TBX4: variants seen among roughly 807,000 people sequenced by gnomAD.
The protein encoded by TBX4 is T-box transcription factor 4, also known as T-box transcription factor TBX4.
TBX4 carries 13 observed loss-of-function variants against 54.6 expected under a neutral mutation model. The ratio of observed to expected loss-of-function variants is 0.24; its 90% confidence interval spans 0.15 to 0.38. The LOEUF (loss-of-function observed/expected upper bound fraction) is 0.38, where lower values mean the gene tolerates loss of function less well. Ranked by LOEUF, TBX4 falls within the 10% of genes least tolerant of loss-of-function variation. The pLI, the probability that TBX4 is intolerant of heterozygous loss-of-function variation, is 1.00. For missense variants in TBX4, 631 were observed against 728.5 expected (o/e 0.87, Z 1.54); for synonymous variants, 314 against 306.7 (o/e 1.02, Z -0.25).
rs2060457111 is a variant in TBX4 at position 61,457,129 on chromosome 17, C to T, written c.187-408C>T. Among the ~76,000 whole-genome samples, 1 of 152,170 alleles carries T rather than the reference C, an allele frequency of 6.6e-6. No homozygotes were observed. The highest frequency in any genetic ancestry group is 1.5e-5 in the Non-Finnish European group (1 of 68,028). On this transcript the variant is annotated intron_variant, in intron 2 of 8. Transcript: ENST00000644296. The surrounding 1 kb of genome is among the most constrained non-coding windows in gnomAD (Gnocchi z 8.2). ...CACAGTGATAATCGGACGATCACAG[C>T]GCACGGGATGCCGCCTGGGGATCTG...
chr17:61,478,396 G>C lies in TBX4; in HGVS notation c.550-231G>C, dbSNP rs1037200144. 2.7e-5 allele frequency: 16 copies of C among 593,464 alleles called. No individual in the cohort carries two copies. The highest frequency in any genetic ancestry group is 1.5e-5 in the Non-Finnish European group (5 of 335,550). 36.8% of individuals were successfully genotyped at this position (593,464 alleles called of 1,614,324 possible). A position where few individuals can be genotyped will look rare whatever the true frequency, so the allele number is the denominator to read the frequency against. Reference sequence around the variant, plus strand: ...AACTGGTCACATCAAGGAGGGCCTGGAGCTGGGCATTAGTGCTGGTGCAGA... The same window carrying C: ...AACTGGTCACATCAAGGAGGGCCTGCAGCTGGGCATTAGTGCTGGTGCAGA... On this transcript the variant is annotated intron_variant, in intron 5 of 8. Coordinates refer to ENST00000644296, the MANE Select transcript of TBX4 (RefSeq NM_001321120.2). The surrounding 1 kb of genome is among the most constrained non-coding windows in gnomAD (Gnocchi z 7.4).
Position 61,482,953 on chromosome 17 carries a change from T to A in TBX4, c.1078T>A (p.Ser360Thr), listed in dbSNP as rs1448219437. The change falls in exon 9 of 9, where the codon TCT becomes ACT. Residue 360 changes from serine to threonine, a missense_variant. Coordinates refer to ENST00000644296, the MANE Select transcript of TBX4 (RefSeq NM_001321120.2). ...CAAGCGATCCTATCTGGAAGCCCCC[T>A]CTTCGGTGGGGGAGGATCACTATTT... ...PCKRSYLEAP[S>T]SVGEDHYFRS... 1 of 1,613,846 alleles carries A rather than the reference T, an allele frequency of 6.2e-7. No homozygotes were observed. Among genetic ancestry groups the A allele is most frequent in the Admixed American group, 1.7e-5 (1 of 59,982 alleles).
At position 61,462,032 on chromosome 17, in the gene TBX4, G is replaced by A. The variant is rs977592067; in HGVS notation, c.282-3787G>A. ...TGGCCGGGGAGCTCCCGCGGCTCTC[G>A]CAGCGCAGCTAGAACTTGCGTGTTC... On this transcript the variant is annotated intron_variant, in intron 3 of 8. Coordinates refer to ENST00000644296, the MANE Select transcript of TBX4 (RefSeq NM_001321120.2). This position sits in a 1 kb window ranked among gnomAD's most constrained non-coding sequence, Gnocchi z 4.5. 2.6e-5 allele frequency among the ~76,000 whole-genome samples: 4 copies of A among 152,122 alleles called. No individual in the cohort carries two copies. Among genetic ancestry groups the A allele is most frequent in the African/African-American group, 9.7e-5 (4 of 41,436 alleles).
Position 61,461,131 on chromosome 17 carries a change from A to G in TBX4, c.281+3500A>G, listed in dbSNP as rs2060491921. 1.3e-5 allele frequency among the ~76,000 whole-genome samples: 2 copies of G among 152,224 alleles called. No individual in the cohort carries two copies. The highest frequency in any genetic ancestry group is 2.9e-5 in the Non-Finnish European group (2 of 68,038). ...AAGTATTTTCTGAAAGCAAAAGTCT[A>G]TCAGAAGGAAGTGCCTTTAAAAAAA... On this transcript the variant is annotated intron_variant, in intron 3 of 8. Transcript: ENST00000644296. This position sits in a 1 kb window ranked among gnomAD's most constrained non-coding sequence, Gnocchi z 5.1.
intron 1 of TBX4, chr17:61,452,970 G>A (rs2060424799): frequency 1.0e-6 from 1 of 985,284 alleles, no homozygotes; most frequent in Non-Finnish European, 1.2e-6. Context: ...GTACTGGAGC[G>A]AAAATCCGTG....
Position 61,483,239 on chromosome 17 carries a change from G to A in TBX4, c.1364G>A (p.Arg455Gln), listed in dbSNP as rs373815870. 40 of 1,613,966 alleles carry A rather than the reference G, an allele frequency of 2.5e-5. No homozygotes were observed. Among genetic ancestry groups the A allele is most frequent in the African/African-American group, 4.0e-5 (3 of 74,912 alleles). ...TTCACCGCCACCACCATGATGCCGC[G>A]GCTGCCCACCCTCTCCGCTCAGAGC... ...THFTATTMMP[R>Q]LPTLSAQSSQ... The change falls in exon 9 of 9, where the codon CGG becomes CAG. Residue 455 changes from arginine (R) to glutamine (Q), a missense_variant. Coordinates refer to ENST00000644296, the MANE Select transcript of TBX4 (RefSeq NM_001321120.2). This position sits in a 1 kb window ranked among gnomAD's most constrained non-coding sequence, Gnocchi z 6.6.
In TBX4 at chr17:61,478,208, G is replaced by T. The variant is rs1026809568; in HGVS notation, c.550-419G>T. The T allele has an allele frequency of 4.6e-5, 13 of 281,874 alleles. No individual in the cohort carries two copies. Among genetic ancestry groups the T allele is most frequent in the Non-Finnish European group, 7.6e-5 (11 of 144,860 alleles). 17.5% of individuals were successfully genotyped at this position (281,874 alleles called of 1,614,324 possible). On this transcript the variant is annotated intron_variant, in intron 5 of 8. Coordinates refer to ENST00000644296, the MANE Select transcript of TBX4 (RefSeq NM_001321120.2). The surrounding 1 kb of genome is among the most constrained non-coding windows in gnomAD (Gnocchi z 7.4). ...CCCATTTACAAATGTGGAAACTGAG[G>T]CACAGAGAAGCCCAGTGACTTGTCT...
chr17:61,453,126 C>T (rs1021386385), intron 1 of TBX4: 6 of 443,564 alleles, frequency 1.4e-5, no homozygotes, highest in African/African-American at 6.4e-5. Flanking sequence ...AAGGGCTAAT[C>T]GGCATAACTG....
chr17:61,460,555 A>G lies in TBX4; in HGVS notation c.281+2924A>G, dbSNP rs1416097723. On this transcript the variant is annotated intron_variant, in intron 3 of 8. Coordinates refer to ENST00000644296, the MANE Select transcript of TBX4 (RefSeq NM_001321120.2). The surrounding 1 kb of genome is among the most constrained non-coding windows in gnomAD (Gnocchi z 4.4). The stretch of plus-strand genomic sequence containing the variant: ...TCAGCGACCTCCATGTCAGGTGTGA[A>G]ATGGGGGCCACAGCCCTCCGCAGCC... Among the ~76,000 whole-genome samples the G allele has an allele frequency of 6.6e-6, 1 of 152,082 alleles. No homozygotes were observed. The highest frequency in any genetic ancestry group is 2.4e-5 in the African/African-American group (1 of 41,410).
At chr17:61,470,128 G>A (rs2060566463) in intron 5 of TBX4, among the ~76,000 whole-genome samples, 1 of 152,208 alleles carries the variant, frequency 6.6e-6, no homozygotes, top group Non-Finnish European at 1.5e-5. Flanking sequence ...GCTCATGAGA[G>A]TGGCTGTGGT....
At position 61,479,310 on chromosome 17, in the gene TBX4, G is replaced by A. The variant is rs2060646065; in HGVS notation, c.702+531G>A. ...CCCCACTGCATCCCAGTCACTGACA[G>A]CCGTGCTCTGCCGCCCGTCTGCTTT... On this transcript the variant is annotated intron_variant, in intron 6 of 8. Transcript: ENST00000644296. The surrounding 1 kb of genome is among the most constrained non-coding windows in gnomAD (Gnocchi z 6.1). Among the ~76,000 whole-genome samples, 1 of 152,184 alleles carries A rather than the reference G, an allele frequency of 6.6e-6. No homozygotes were observed. The highest frequency in any genetic ancestry group is 2.1e-4 in the South Asian group (1 of 4,836).
At chr17:61,470,517 CA>C (rs2060569302) in intron 5 of TBX4, among the ~76,000 whole-genome samples, 1 of 152,190 alleles carries the variant, frequency 6.6e-6, no homozygotes, top group Non-Finnish European at 1.5e-5. Context: ...CCCACTAGAA[CA>C]ACACTCCTTG....
Position 61,452,572 on chromosome 17 carries a change from A to G in TBX4, c.-9A>G, listed in dbSNP as rs537918778. On this transcript the variant is annotated 5_prime_UTR_variant, in exon 1 of 9. Coordinates refer to ENST00000644296, the MANE Select transcript of TBX4 (RefSeq NM_001321120.2). ...TGGCGCCTCCGCATGCGGCACCGCA[A>G]TTAGGGTGAGTGTGGGTTCCAGCCG... is the stretch of plus-strand genomic sequence containing the variant. 6.6e-6 allele frequency: 1 copy of G among 152,482 alleles called. No individual in the cohort carries two copies. Among genetic ancestry groups the G allele is most frequent in the South Asian group, 2.1e-4 (1 of 4,826 alleles). 9.4% of individuals were successfully genotyped at this position (152,482 alleles called of 1,614,324 possible).
intron 4 of TBX4, among the ~76,000 whole-genome samples, chr17:61,466,584 G>A (rs576325587): frequency 5.3e-5 from 8 of 152,352 alleles, no homozygotes; most frequent in South Asian, 4.1e-4. Context: ...TCGGAACAGC[G>A]CTCCAGGAGC....
rs1176158863 is a variant in TBX4 at position 61,481,283 on chromosome 17, A to G, written c.1021+964A>G. The G allele has an allele frequency of 6.6e-6, 1 of 152,254 alleles. No individual in the cohort carries two copies. Among genetic ancestry groups the G allele is most frequent in the African/African-American group, 2.4e-5 (1 of 41,462 alleles). 9.4% of individuals were successfully genotyped at this position (152,254 alleles called of 1,614,324 possible). Reference sequence around the variant, plus strand: ...ATGTGAAATTAAAGTTTTAGTGTCCATAAAGTTTTATTGGAACACAGCCAT... The same window carrying G: ...ATGTGAAATTAAAGTTTTAGTGTCCGTAAAGTTTTATTGGAACACAGCCAT... On this transcript the variant is annotated intron_variant, in intron 8 of 8. Transcript: ENST00000644296. This position sits in a 1 kb window ranked among gnomAD's most constrained non-coding sequence, Gnocchi z 4.8.
Position 61,475,724 on chromosome 17 carries a change from A to C in TBX4, c.550-2903A>C, listed in dbSNP as rs926203115. On this transcript the variant is annotated intron_variant, in intron 5 of 8. Transcript: ENST00000644296. This position sits in a 1 kb window ranked among gnomAD's most constrained non-coding sequence, Gnocchi z 5.0. ...TCACAGGAGCAGGGTGGCTGCTGCCATGTGTCCTAGTGTCCTGCACAGCCT... is the reference window on the plus strand; with the variant it reads ...TCACAGGAGCAGGGTGGCTGCTGCCCTGTGTCCTAGTGTCCTGCACAGCCT... 1.3e-5 allele frequency among the ~76,000 whole-genome samples: 2 copies of C among 152,090 alleles called. No homozygotes were observed. The highest frequency in any genetic ancestry group is 4.8e-5 in the African/African-American group (2 of 41,410).
Position 61,457,394 on chromosome 17 carries a change from C to G in TBX4, c.187-143C>G. The G allele has an allele frequency of 5.7e-6, 4 of 701,948 alleles. No individual in the cohort carries two copies. The highest frequency in any genetic ancestry group is 1.0e-5 in the Non-Finnish European group (4 of 394,684). 43.5% of individuals were successfully genotyped at this position (701,948 alleles called of 1,614,324 possible). A position where few individuals can be genotyped will look rare whatever the true frequency, so the allele number is the denominator to read the frequency against. On this transcript the variant is annotated intron_variant, in intron 2 of 8. Coordinates refer to ENST00000644296, the MANE Select transcript of TBX4 (RefSeq NM_001321120.2). This position sits in a 1 kb window ranked among gnomAD's most constrained non-coding sequence, Gnocchi z 8.2. ...TTTATATTCACGAATAGTTCAAAATCGTTCTGTGAAACGAAATCTGGAGCC... is the reference window on the plus strand; with the variant it reads ...TTTATATTCACGAATAGTTCAAAATGGTTCTGTGAAACGAAATCTGGAGCC...
chr17:61,479,839 G>C lies in TBX4; in HGVS notation c.703-42G>C. 1.3e-6 allele frequency: 2 copies of C among 1,580,636 alleles called. No homozygotes were observed. Among genetic ancestry groups the C allele is most frequent in the East Asian group, 2.2e-5 (1 of 44,708 alleles). ...CAAATGTGGAAACTGAGACACATTT[G>C]TGTGCCTCACACTGGTGACCCTATG... is the stretch of plus-strand genomic sequence containing the variant. On this transcript the variant is annotated intron_variant, in intron 6 of 8. Transcript: ENST00000644296. This position sits in a 1 kb window ranked among gnomAD's most constrained non-coding sequence, Gnocchi z 6.1.
intron 8 of TBX4, among the ~76,000 whole-genome samples, chr17:61,482,394 C>T (rs965984075): frequency 1.3e-5 from 2 of 152,256 alleles, no homozygotes; most frequent in African/African-American, 4.8e-5. Context: ...CTAAAAGCAA[C>T]AGAAACATGC....
Sources: allele counts gnomAD v4.1 joint callset (sites outside exome capture counted in the v4.1 genomes callset), GRCh38; gene constraint gnomAD v4.1.1; non-coding constraint Gnocchi (gnomAD v3.1); transcripts MANE v1.5; gene names NCBI Gene and HGNC (gene_info 2026-07-23, HGNC 2026-07-21).